The following FUBP3 variants were observed in gnomAD, a reference collection of about 807,000 sequenced individuals.
The protein encoded by FUBP3 is far upstream element-binding protein 3.
FUBP3 carries 28 observed loss-of-function variants against 85.6 expected under a neutral mutation model. The ratio of observed to expected loss-of-function variants is 0.33; its 90% CI spans 0.24 to 0.45. The LOEUF is 0.45. Among genes scored for constraint, FUBP3 ranks in the 20% least tolerant of loss-of-function variants. FUBP3 has a pLI of 1.00. For missense variants in FUBP3, 583 were observed against 755.1 expected (o/e 0.77, Z 2.67); for synonymous variants, 271 against 271.4 (o/e 1.00, Z 0.01).
chr9:130,609,480 T>TC (rs1216857598), intron 2 of FUBP3, among the ~76,000 whole-genome samples: 1 of 151,980 alleles, frequency 6.6e-6, no homozygotes, highest in African/African-American at 2.4e-5. Flanking sequence ...GGGCGTCTCC[T>TC]CCCCCGTGGC....
intron 2 of FUBP3, among the ~76,000 whole-genome samples, chr9:130,604,770 C>G (rs550363667): frequency 2.6e-5 from 4 of 152,016 alleles, no homozygotes; most frequent in Non-Finnish European, 5.9e-5. Context: ...TGGTGGTGCG[C>G]GCCTTTAGTC....
intron 2 of FUBP3, among the ~76,000 whole-genome samples, chr9:130,598,769 C>A (rs913713151): frequency 4.6e-5 from 7 of 152,206 alleles, no homozygotes; most frequent in African/African-American, 1.7e-4. Flanking sequence ...CGAATTTTTA[C>A]AATCAAGTGA....
Position 130,622,766 on chromosome 9 carries a change from A to G in FUBP3, c.830A>G (p.Lys277Arg), listed in dbSNP as rs549556975. 3 of 1,602,640 alleles carry G rather than the reference A, an allele frequency of 1.9e-6. No individual in the cohort carries two copies. The highest frequency in any genetic ancestry group is 2.2e-5 in the South Asian group (2 of 90,016). ...IVIGRNGEMI[K>R]KIQNDAGVRI... ...ATAGGAAGAAACGGGGAAATGATCAAAAAGATCCAGAATGATGCTGGTGTG... is the reference window on the plus strand; with the variant it reads ...ATAGGAAGAAACGGGGAAATGATCAGAAAGATCCAGAATGATGCTGGTGTG... Residue 277 changes from lysine to arginine, a missense_variant, in exon 10 of 19, where the codon AAA becomes AGA. By Grantham distance (26) the Lys-to-Arg change is conservative. Coordinates refer to ENST00000319725, the MANE Select transcript of FUBP3 (RefSeq NM_003934.2).
At chr9:130,626,255 G>A (rs2304811) in intron 11 of FUBP3, 109 bp from the exon 12 acceptor site, 205,109 of 1,155,764 alleles carry the variant, frequency 0.18, 20,374 homozygotes, top group African/African-American at 0.38. Flanking sequence ...GCTAGGTTCT[G>A]ATGGGTGGCA....
intron 1 of FUBP3, chr9:130,580,762 G>C (rs995380508): frequency 2.6e-5 from 4 of 152,166 alleles, no homozygotes; most frequent in African/African-American, 9.7e-5. Context: ...AACCCTACCT[G>C]TTTCCCTGAT....
At chr9:130,613,175 C>A in intron 5 of FUBP3, 148 bp downstream of exon 5, 1 of 622,264 alleles carries the variant, frequency 1.6e-6, no homozygotes, top group South Asian at 1.9e-5. Context: ...TAAATGAGAA[C>A]CAGAAGGATC....
rs749091594 is a variant in FUBP3, at chr9:130,636,082, G to A, written c.1666G>A (p.Ala556Thr). 1.6e-5 allele frequency: 26 copies of A among 1,613,784 alleles called. No individual in the cohort carries two copies. The Middle Eastern group carries it at 6.6e-4, about 41-fold the overall frequency. Residue 556 changes from alanine (A) to threonine (T), a missense_variant, in exon 18 of 19, where the codon GCT (alanine) becomes ACT (threonine). This residue lies in a region of FUBP3 where 404 missense variants were observed against 516.8 expected (regional missense o/e 0.78). Coordinates refer to ENST00000319725, the MANE Select transcript of FUBP3 (RefSeq NM_003934.2). Reference sequence around the variant, plus strand: ...GGCAGAATATTACAGACAGCAGGTCGCTTTCTACGGACAGACGTTAGGGCA... The same window carrying A: ...GGCAGAATATTACAGACAGCAGGTCACTTTCTACGGACAGACGTTAGGGCA... Reference protein sequence around the residue: ...AWAEYYRQQVAFYGQTLGQAQ... With the variant: ...AWAEYYRQQVTFYGQTLGQAQ...
At chr9:130,596,290 G>C (rs933951554) in intron 2 of FUBP3, among the ~76,000 whole-genome samples, 4 of 152,094 alleles carry the variant, frequency 2.6e-5, no homozygotes, top group Non-Finnish European at 5.9e-5. Context: ...ACATGAATTT[G>C]CATGTAGTCG....
intron 8 of FUBP3, among the ~76,000 whole-genome samples, chr9:130,619,572 G>A (rs946714684): frequency 6.6e-6 from 1 of 152,182 alleles, no homozygotes; most frequent in African/African-American, 2.4e-5. Flanking sequence ...GTTGTCCTAA[G>A]ATTTAAATTG....
chr9:130,590,021 A>AT (rs60878897), intron 1 of FUBP3, among the ~76,000 whole-genome samples: 1,450 of 46,034 alleles, frequency 0.031, 211 homozygotes, highest in South Asian at 0.041. Flanking sequence ...GGCCTATTTA[A>AT]TTTTTTTTTT....
In FUBP3 at chr9:130,631,964, G is replaced by T. The variant is rs759258767; in HGVS notation, c.1375G>T (p.Gly459Trp). 1 of 1,613,184 alleles carries T rather than the reference G, an allele frequency of 6.2e-7. No homozygotes were observed. ...CAGTACCTTTCCTCCAAGGAGCTCC[G>T]GGTGCTTCCCAAACATGGCTGCCAA... is the stretch of plus-strand genomic sequence containing the variant. Reference protein sequence around the residue: ...HQNTFPPRSSGCFPNMAAKVN... With the variant: ...HQNTFPPRSSWCFPNMAAKVN... Residue 459 changes from glycine (G) to tryptophan (W), a missense_variant, in exon 15 of 19, where the codon GGG becomes TGG. Around this residue, in one of 3 missense-constraint regions of FUBP3, gnomAD observed 404 missense variants for 516.8 expected, o/e 0.78. Transcript: ENST00000319725.
At chr9:130,603,363 A>C (rs993277109) in intron 2 of FUBP3, among the ~76,000 whole-genome samples, 3 of 145,714 alleles carry the variant, frequency 2.1e-5, no homozygotes, top group Non-Finnish European at 4.5e-5. Context: ...AAAAAAAAAA[A>C]AAAAACAAAT....
intron 2 of FUBP3, among the ~76,000 whole-genome samples, chr9:130,596,863 C>T (rs754348095): frequency 2.0e-5 from 3 of 152,104 alleles, no homozygotes; most frequent in African/African-American, 4.8e-5. Context: ...ATAAGCACCT[C>T]GTGGAAAACG....
chr9:130,582,804 G>A (rs550225837), intron 1 of FUBP3, among the ~76,000 whole-genome samples: 165 of 152,302 alleles, frequency 1.1e-3, no homozygotes, highest in Non-Finnish European at 2.0e-3. Context: ...GTCATCACCC[G>A]TGAGCAATCC....
chr9:130,596,286 A>AT (rs1207358906), intron 2 of FUBP3, among the ~76,000 whole-genome samples: 2 of 152,068 alleles, frequency 1.3e-5, no homozygotes, highest in Non-Finnish European at 2.9e-5. Flanking sequence ...ATTGACATGA[A>AT]TTTGCATGTA....
At chr9:130,607,138 T>A (rs1253105989) in intron 2 of FUBP3, among the ~76,000 whole-genome samples, 1 of 99,160 alleles carries the variant, frequency 1.0e-5, no homozygotes, top group African/African-American at 6.1e-5. Flanking sequence ...AATTTGTGTA[T>A]TTTTTTTTTT....
rs1290896856 is a variant in FUBP3, at chr9:130,593,751, A to AG, written c.85-1732_85-1731insG. 8.5e-5 allele frequency among the ~76,000 whole-genome samples: 13 copies of AG among 152,226 alleles called. 1 individual carries two copies. The highest frequency in any genetic ancestry group is 7.9e-4 in the Admixed American group (12 of 15,274). ...GGGCACAGCTGTGCTAGCTGCCCCC[A>AG]ATAGACCCCTGTTTATTAACTTTAA... On this transcript the variant is annotated intron_variant, in intron 1 of 18. Coordinates refer to ENST00000319725, the MANE Select transcript of FUBP3 (RefSeq NM_003934.2).
chr9:130,580,220 T>C (rs1393533744), intron 1 of FUBP3, among the ~76,000 whole-genome samples: 1 of 152,164 alleles, frequency 6.6e-6, no homozygotes, highest in East Asian at 1.9e-4. Flanking sequence ...CTCGAGGGCA[T>C]CTTATATGTG....
At chr9:130,599,359 ATGTGTGTGTG>A (rs10532542) in intron 2 of FUBP3, among the ~76,000 whole-genome samples, 3 of 148,820 alleles carry the variant, frequency 2.0e-5, no homozygotes, top group Admixed American at 6.7e-5. Flanking sequence ...ATATAAGTAT[ATGTGTGTGTG>A]TGTGTGTGTG....
Sources: gnomAD v4.1 joint callset for allele counts (sites outside exome capture counted in the v4.1 genomes callset) on GRCh38, gnomAD v4.1.1 for gene constraint, gnomAD v4.1.1 regional missense constraint, MANE v1.5 for transcripts, NCBI Gene and HGNC (gene_info 2026-07-23, HGNC 2026-07-21) for gene names.